The following CRYBG3 variants were observed in gnomAD, a reference collection of about 807,000 sequenced individuals.
The protein encoded by CRYBG3 is very large A-kinase anchor protein.
In CRYBG3, 127 loss-of-function variants were observed where a neutral mutation model predicts 244.2. The ratio of observed to expected loss-of-function variants is 0.52; its 90% confidence interval spans 0.45 to 0.60. The LOEUF (loss-of-function observed/expected upper bound fraction) is 0.60. Ranked by LOEUF, CRYBG3 falls within the 20% of genes least tolerant of loss-of-function variation. The pLI is 0.00. For missense variants in CRYBG3, 3,325 were observed against 3,442.5 expected (o/e 0.97, Z 0.85); for synonymous variants, 1,132 against 1,195.8 (o/e 0.95, Z 1.10).
chr3:97,880,034 G>A lies in CRYBG3; in HGVS notation c.6938G>A (p.Cys2313Tyr), dbSNP rs961941035. 8.7e-6 allele frequency: 14 copies of A among 1,603,546 alleles called. No individual in the cohort carries two copies. Among genetic ancestry groups the A allele is most frequent in the African/African-American group, 1.3e-5 (1 of 74,782 alleles). The change falls in exon 6 of 22, where the codon TGT becomes TAT. Residue 2313 changes from cysteine (C) to tyrosine (Y), a missense_variant. Transcript: ENST00000389622. ...HESTYKQEVY[C>Y]NIPDATSWSF... is the part of the protein sequence containing the mutation. Reference sequence around the variant, plus strand: ...AGTACATATAAACAAGAAGTCTACTGTAATATTCCTGATGCTACATCATGG... The same window carrying A: ...AGTACATATAAACAAGAAGTCTACTATAATATTCCTGATGCTACATCATGG...
At chr3:97,852,809 TC>T (rs999232161) in intron 2 of CRYBG3, among the ~76,000 whole-genome samples, 50 of 152,266 alleles carry the variant, frequency 3.3e-4, no homozygotes, top group African/African-American at 1.2e-3. Context: ...GTATAACAGT[TC>T]CCTTTTCTCT....
rs1338114710 is a variant in CRYBG3, at chr3:97,875,530, C to A, written c.4336C>A (p.Arg1446Ser). Reference sequence around the variant, plus strand: ...TGATAGGGTAAAAACACATTTATTTCGCAGTGAGGACTGTAATGAGACAAT... The same window carrying A: ...TGATAGGGTAAAAACACATTTATTTAGCAGTGAGGACTGTAATGAGACAAT... ...LDDRVKTHLF[R>S]SEDCNETMEI... The change falls in exon 4 of 22, where the codon CGC (arginine) becomes AGC (serine). Residue 1446 changes from arginine (R) to serine (S), a missense_variant. Physicochemically the swap from Arg to Ser is moderately radical, Grantham distance 110 (BLOSUM62 -1). Coordinates refer to ENST00000389622, the MANE Select transcript of CRYBG3 (RefSeq NM_153605.4). 3.2e-6 allele frequency: 4 copies of A among 1,262,818 alleles called. No homozygotes were observed. Among genetic ancestry groups the A allele is most frequent in the Non-Finnish European group, 4.0e-6 (4 of 1,007,986 alleles). The allele number at this position is 1,262,818 out of a possible 1,614,324, so 78.2% of individuals were successfully genotyped here. A position where few individuals can be genotyped will look rare whatever the true frequency, so the allele number is the denominator to read the frequency against.
intron 16 of CRYBG3, among the ~76,000 whole-genome samples, chr3:97,913,809 T>A (rs1438321993): frequency 6.6e-6 from 1 of 152,212 alleles, no homozygotes; most frequent in Non-Finnish European, 1.5e-5. Flanking sequence ...GAAGAAGCTG[T>A]TTTCCACCTT....
intron 18 of CRYBG3, among the ~76,000 whole-genome samples, chr3:97,934,533 G>A (rs1000563977): frequency 3.9e-5 from 6 of 151,904 alleles, no homozygotes; most frequent in Non-Finnish European, 1.5e-5. Flanking sequence ...AGCTCTTGAC[G>A]GTTAATAAAA....
At position 97,875,083 on chromosome 3, in the gene CRYBG3, G is replaced by T; in HGVS notation, c.3889G>T (p.Val1297Leu). The T allele has an allele frequency of 6.5e-7, 1 of 1,533,676 alleles. No individual in the cohort carries two copies. The highest frequency in any genetic ancestry group is 8.7e-7 in the Non-Finnish European group (1 of 1,145,658). The change falls in exon 4 of 22, where the codon GTA (valine) becomes TTA (leucine). Residue 1297 changes from valine (V) to leucine (L), a missense_variant. Physicochemically the swap from Val to Leu is conservative, Grantham distance 32. Around this residue, in one of 4 missense-constraint regions of CRYBG3, gnomAD observed 635 missense variants for 771.7 expected, o/e 0.82. Transcript: ENST00000389622. ...TCTTGTTGATCCTAATAGTATGAATGTATCTTGTTTGTTAGAAGATAAAGC... is the reference window on the plus strand; with the variant it reads ...TCTTGTTGATCCTAATAGTATGAATTTATCTTGTTTGTTAGAAGATAAAGC... ...NLLVDPNSMN[V>L]SCLLEDKARE... is the part of the protein sequence containing the mutation.
intron 20 of CRYBG3, among the ~76,000 whole-genome samples, 168 bp downstream of exon 20, chr3:97,941,474 CT>C (rs1188554820): frequency 6.7e-6 from 1 of 149,872 alleles, no homozygotes; most frequent in Non-Finnish European, 1.5e-5. Context: ...ATAAAATTAA[CT>C]TAATTTTTTG....
Position 97,873,778 on chromosome 3 carries a change from A to G in CRYBG3, c.2584A>G (p.Lys862Glu). The G allele has an allele frequency of 6.5e-7, 1 of 1,533,598 alleles. No homozygotes were observed. Among genetic ancestry groups the G allele is most frequent in the Non-Finnish European group, 8.7e-7 (1 of 1,146,270 alleles). The allele number at this position is 1,533,598 out of a possible 1,614,324, so 95.0% of individuals were successfully genotyped here. Residue 862 changes from lysine to glutamate, a missense_variant, in exon 4 of 22, where the codon AAA becomes GAA. This residue lies in a region of CRYBG3 where 1,526 missense variants were observed against 1,443.2 expected (regional missense o/e 1.06). Coordinates refer to ENST00000389622, the MANE Select transcript of CRYBG3 (RefSeq NM_153605.4). ...GGATAAAATGTCTTCTTTTCCATTGAAAATTACCCATGTTCCAGAAAAGCC... is the reference window on the plus strand; with the variant it reads ...GGATAAAATGTCTTCTTTTCCATTGGAAATTACCCATGTTCCAGAAAAGCC... Reference protein sequence around the residue: ...SQDKMSSFPLKITHVPEKPIL... With the variant: ...SQDKMSSFPLEITHVPEKPIL...
chr3:97,878,002 C>A lies in CRYBG3; in HGVS notation c.6808C>A (p.Gln2270Lys). Residue 2270 changes from glutamine to lysine, a missense_variant, in exon 4 of 22, where the codon CAA (glutamine) becomes AAA (lysine). This residue lies in a region of CRYBG3 where 450 missense variants were observed against 424.1 expected (regional missense o/e 1.06). Coordinates refer to ENST00000389622, the MANE Select transcript of CRYBG3 (RefSeq NM_153605.4). ...QEPVSKYFRV[Q>K]DSPGRLSPFI... Reference sequence around the variant, plus strand: ...ACCAGTGTCAAAATATTTCCGTGTTCAAGACAGCCCAGGCAGATTGAGCCC... The same window carrying A: ...ACCAGTGTCAAAATATTTCCGTGTTAAAGACAGCCCAGGCAGATTGAGCCC... The A allele has an allele frequency of 6.2e-7, 1 of 1,613,692 alleles. No homozygotes were observed. Among genetic ancestry groups the A allele is most frequent in the South Asian group, 1.1e-5 (1 of 90,946 alleles).
intron 3 of CRYBG3, among the ~76,000 whole-genome samples, chr3:97,866,178 G>C (rs1477963021): frequency 4.6e-5 from 7 of 152,144 alleles, no homozygotes; most frequent in African/African-American, 1.7e-4. Context: ...AATACCCTGA[G>C]TGAGTCAGAG....
intron 2 of CRYBG3, among the ~76,000 whole-genome samples, chr3:97,848,456 C>G (rs1388684371): frequency 2.0e-5 from 3 of 152,102 alleles, no homozygotes; most frequent in Non-Finnish European, 2.9e-5. Flanking sequence ...CACGTGCCAC[C>G]ACTCTCGGCT....
intron 1 of CRYBG3, among the ~76,000 whole-genome samples, chr3:97,829,405 AC>A (rs2038624179): frequency 6.6e-6 from 1 of 152,116 alleles, no homozygotes; most frequent in African/African-American, 2.4e-5. Context: ...CTCACCTGTC[AC>A]CCACCTTGAC....
Position 97,943,370 on chromosome 3 carries a change from G to A in CRYBG3, c.*56G>A, listed in dbSNP as rs2040276252. 3 of 999,308 alleles carry A rather than the reference G, an allele frequency of 3.0e-6. No homozygotes were observed. The highest frequency in any genetic ancestry group is 1.6e-5 in the African/African-American group (1 of 61,796). 61.9% of individuals were successfully genotyped at this position (999,308 alleles called of 1,614,324 possible). On this transcript the variant is annotated 3_prime_UTR_variant, in exon 22 of 22. Coordinates refer to ENST00000389622, the MANE Select transcript of CRYBG3 (RefSeq NM_153605.4). ...AAAGAGCAAAGAAGGAAACACATCT[G>A]TCATTGTCTTGTGGACGTGGAAAGG...
chr3:97,889,505 A>G, intron 10 of CRYBG3, 115 bp downstream of exon 10: 1 of 891,772 alleles, frequency 1.1e-6, no homozygotes, highest in Non-Finnish European at 1.8e-6. Context: ...ATACTTAGCT[A>G]ATGGATTTTG....
At chr3:97,849,995 C>T (rs2038960436) in intron 2 of CRYBG3, among the ~76,000 whole-genome samples, 2 of 152,216 alleles carry the variant, frequency 1.3e-5, no homozygotes, top group Non-Finnish European at 2.9e-5. Flanking sequence ...GTTCCTTTAG[C>T]CCAGCATATA....
At chr3:97,909,035 G>A (rs2039827295) in intron 15 of CRYBG3, among the ~76,000 whole-genome samples, 1 of 152,124 alleles carries the variant, frequency 6.6e-6, no homozygotes, top group East Asian at 1.9e-4. Flanking sequence ...ATGAAATTCT[G>A]GGTTGAAAAT....
At chr3:97,836,878 T>C (rs887016205) in intron 1 of CRYBG3, 26 of 152,200 alleles carry the variant, frequency 1.7e-4, no homozygotes, top group African/African-American at 5.8e-4. Flanking sequence ...GTCTTTCTCA[T>C]CTTTTACCAG....
At chr3:97,856,180 G>A (rs941962082) in intron 2 of CRYBG3, among the ~76,000 whole-genome samples, 1 of 152,072 alleles carries the variant, frequency 6.6e-6, no homozygotes, top group Non-Finnish European at 1.5e-5. Flanking sequence ...AGAATTCAGC[G>A]ATATTTCTCC....
chr3:97,833,220 C>G (rs1432252268), intron 1 of CRYBG3, among the ~76,000 whole-genome samples: 1 of 152,132 alleles, frequency 6.6e-6, no homozygotes, highest in Non-Finnish European at 1.5e-5. Flanking sequence ...TGGGTATATA[C>G]CCAAAGGATT....
intron 7 of CRYBG3, 93 bp downstream of exon 7, chr3:97,881,312 T>C: frequency 1.2e-6 from 1 of 809,384 alleles, no homozygotes; most frequent in South Asian, 2.6e-5. Context: ...AAATCATTGC[T>C]AATTTTTGTG....
Sources: allele counts gnomAD v4.1 joint callset (sites outside exome capture counted in the v4.1 genomes callset), GRCh38; gene constraint gnomAD v4.1.1; regional missense constraint gnomAD v4.1.1; transcripts MANE v1.5; gene names NCBI Gene and HGNC (gene_info 2026-07-23, HGNC 2026-07-21).